SHANK2: variants seen among roughly 807,000 people sequenced by gnomAD.
SHANK2 encodes the protein SH3 and multiple ankyrin repeat domains protein 2.
A neutral mutation model predicts 133.7 loss-of-function variants in SHANK2; 43 were observed. The ratio of observed to expected loss-of-function variants is 0.32; its 90% CI spans 0.25 to 0.41. The LOEUF (loss-of-function observed/expected upper bound fraction) is 0.41, where lower values mean the gene tolerates loss of function less well. Ranked by LOEUF, SHANK2 falls within the 10% of genes least tolerant of loss-of-function variation. SHANK2 has a pLI of 1.00. For missense variants in SHANK2, 1,994 were observed against 2,235.8 expected (o/e 0.89, Z 2.18); for synonymous variants, 1,017 against 952.8 (o/e 1.07, Z -1.24).
At position 70,727,515 on chromosome 11, in the gene SHANK2, C is replaced by T. The variant is rs1321808507; in HGVS notation, c.1778-28752G>A. The stretch of plus-strand genomic sequence containing the variant: ...GGCACCATGGTAGAGCAGGGGTATC[C>T]TAGGAGCTGGCATCCCAGGCAAGGT... On this transcript the variant is annotated intron_variant, in intron 14 of 25. Coordinates refer to ENST00000601538, the MANE Select transcript of SHANK2 (RefSeq NM_012309.5). Among the ~76,000 whole-genome samples the T allele has an allele frequency of 3.3e-5, 5 of 152,092 alleles. No homozygotes were observed. In the East Asian group the frequency reaches 9.6e-4, roughly 29 times the overall value.
chr11:70,949,320 C>T (rs530613474), intron 10 of SHANK2, among the ~76,000 whole-genome samples: 5 of 152,316 alleles, frequency 3.3e-5, no homozygotes, highest in African/African-American at 9.6e-5. Context: ...TGCACAGCAA[C>T]GTCCCCAGGC....
chr11:71,221,750 T>A (rs1954545743), intron 2 of SHANK2, among the ~76,000 whole-genome samples: 1 of 152,152 alleles, frequency 6.6e-6, no homozygotes, highest in South Asian at 2.1e-4. Flanking sequence ...TCCAGTTTTT[T>A]TCTGAGCAGC....
At chr11:71,144,671 C>A (rs1225396150) in intron 3 of SHANK2, among the ~76,000 whole-genome samples, 3 of 152,246 alleles carry the variant, frequency 2.0e-5, no homozygotes, top group Admixed American at 1.3e-4. Flanking sequence ...GGAAAAAAAA[C>A]TGTAACAAGA....
rs149801386 is a variant in SHANK2, at chr11:70,502,103, G to A, written c.2278+103C>T. 6.7e-4 allele frequency: 914 copies of A among 1,362,476 alleles called. 2 individuals carry two copies. Among genetic ancestry groups the A allele is most frequent in the African/African-American group, 4.0e-3 (281 of 69,432 alleles). The allele number at this position is 1,362,476 out of a possible 1,614,324, so 84.4% of individuals were successfully genotyped here. ...GTCTGGGTACAGGGGCAGGAGGGGG[G>A]TAGCGAGCAAGCGTGGGGTCATGCA... On this transcript the variant is annotated intron_variant, in intron 19 of 25. Transcript: ENST00000601538.
chr11:70,919,551 T>G (rs1490766850), intron 10 of SHANK2, among the ~76,000 whole-genome samples: 1 of 152,008 alleles, frequency 6.6e-6, no homozygotes, highest in Non-Finnish European at 1.5e-5. Context: ...CCTGGCTAAT[T>G]TTGTATTTTT....
At chr11:70,802,022 T>C (rs116982706) in intron 13 of SHANK2, among the ~76,000 whole-genome samples, 2 of 152,188 alleles carry the variant, frequency 1.3e-5, no homozygotes, top group East Asian at 1.9e-4. Context: ...GCGGCGAGAC[T>C]TGGGGCAACC....
chr11:70,723,147 T>A (rs1946103798), intron 14 of SHANK2, among the ~76,000 whole-genome samples: 1 of 152,226 alleles, frequency 6.6e-6, no homozygotes, highest in African/African-American at 2.4e-5. Context: ...GGCCCTGATG[T>A]GATTCTCTCC....
intron 1 of SHANK2, among the ~76,000 whole-genome samples, chr11:71,229,758 CAAAAAAGAAAAAAAAAAA>C (rs1429996710): frequency 5.2e-5 from 3 of 58,196 alleles, no homozygotes; most frequent in African/African-American, 1.6e-4. Context: ...GACTCCATCT[CAAAAAAGAAAAAAAAAAA>C]AAAAAAGAAA....
At chr11:70,562,737 G>T (rs547929275) in intron 17 of SHANK2, among the ~76,000 whole-genome samples, 1 of 152,044 alleles carries the variant, frequency 6.6e-6, no homozygotes, top group Non-Finnish European at 1.5e-5. Flanking sequence ...TGTTTATATC[G>T]TCTGCATTTA....
rs200049317 is a variant in SHANK2, at chr11:70,581,686, GTCAATCAATCAA to G, written c.2061+78130_2061+78141del. Among the ~76,000 whole-genome samples, 3 of 152,116 alleles carry G rather than the reference GTCAATCAATCAA, an allele frequency of 2.0e-5. No individual in the cohort carries two copies. In the South Asian group the frequency reaches 6.2e-4, roughly 32 times the overall value. ...AGCCTGGGTGACCGAGCGAGACTCT[GTCAATCAATCAA>G]TCAATCAATCAATCAAGCTAGCTAG... On this transcript the variant is annotated intron_variant, in intron 17 of 25. Transcript: ENST00000601538.
intron 10 of SHANK2, among the ~76,000 whole-genome samples, chr11:70,909,136 T>G (rs1950152801): frequency 6.6e-6 from 1 of 152,202 alleles, no homozygotes; most frequent in South Asian, 2.1e-4. Context: ...AAATGTAAAT[T>G]TTTCCTTTGA....
At chr11:70,953,120 A>G (rs1950869360) in intron 10 of SHANK2, among the ~76,000 whole-genome samples, 1 of 151,964 alleles carries the variant, frequency 6.6e-6, no homozygotes, top group Non-Finnish European at 1.5e-5. Flanking sequence ...CACTTTGAAC[A>G]CTGGCCCTTT....
intron 10 of SHANK2, among the ~76,000 whole-genome samples, chr11:70,905,618 C>T (rs1309429400): frequency 1.3e-5 from 2 of 152,028 alleles, no homozygotes; most frequent in Non-Finnish European, 2.9e-5. Context: ...GATTAGTGCC[C>T]TTGGAAAAGA....
chr11:71,247,173 AC>A (rs1222155602), intron 1 of SHANK2, among the ~76,000 whole-genome samples: 20 of 152,218 alleles, frequency 1.3e-4, no homozygotes, highest in African/African-American at 4.8e-4. Flanking sequence ...CCTAAAGCTC[AC>A]TTACGTATCC....
intron 2 of SHANK2, among the ~76,000 whole-genome samples, chr11:71,195,640 C>T (rs1352805891): frequency 2.0e-5 from 3 of 152,120 alleles, no homozygotes; most frequent in Non-Finnish European, 4.4e-5. Flanking sequence ...AATGAGATCA[C>T]ACTGTAATCA....
intron 14 of SHANK2, among the ~76,000 whole-genome samples, chr11:70,775,337 T>C (rs1555043713): frequency 6.6e-6 from 1 of 152,098 alleles, no homozygotes. Flanking sequence ...GTGTTTGTAA[T>C]CCCAGCTACT....
At chr11:71,154,046 AAAG>A (rs1314028331) in intron 2 of SHANK2, among the ~76,000 whole-genome samples, 2 of 152,188 alleles carry the variant, frequency 1.3e-5, no homozygotes, top group African/African-American at 4.8e-5. Context: ...CACCAAAAGA[AAAG>A]AAGGTTTTTA....
chr11:70,840,474 G>A (rs1267208506), intron 11 of SHANK2, among the ~76,000 whole-genome samples: 3 of 152,228 alleles, frequency 2.0e-5, no homozygotes, highest in Non-Finnish European at 4.4e-5. Context: ...TCAGCTCTGA[G>A]GAGCATCCTT....
rs1240936780 is a variant in SHANK2 at position 71,085,484 on chromosome 11, TTATATAA to T, written c.912+6931_912+6937del. ...TATATATATATATATAATATATATG[TTATATAA>T]TATATAATATATATGTTATATTATA... is the stretch of plus-strand genomic sequence containing the variant. On this transcript the variant is annotated intron_variant, in intron 8 of 25. Transcript: ENST00000601538. 9.9e-4 allele frequency among the ~76,000 whole-genome samples: 121 copies of T among 122,434 alleles called. No homozygotes were observed. In the East Asian group the frequency reaches 0.012, roughly 12 times the overall value. The allele number at this position is 122,434 out of a possible 152,430, so 80.3% of individuals were successfully genotyped here.
Sources: gnomAD v4.1 joint callset for allele counts (sites outside exome capture counted in the v4.1 genomes callset) on GRCh38, gnomAD v4.1.1 for gene constraint, MANE v1.5 for transcripts, NCBI Gene and HGNC (gene_info 2026-07-23, HGNC 2026-07-21) for gene names.